The following SLC20A1 variants were observed in gnomAD, a reference collection of about 807,000 sequenced individuals.
SLC20A1 encodes the protein solute carrier family 20 member 1, also known as sodium-dependent phosphate transporter 1.
SLC20A1 carries 28 observed loss-of-function variants against 62.7 expected under a neutral mutation model. The observed-to-expected ratio is 0.45, with a 90% CI of 0.33 to 0.61. The LOEUF is 0.61. Ranked by LOEUF, SLC20A1 falls within the 20% of genes least tolerant of loss-of-function variation. The pLI is 0.02. For synonymous variants in SLC20A1, 305 were observed against 302.9 expected (o/e 1.01, Z -0.07); for missense variants, 673 against 838.6 (o/e 0.80, Z 2.44).
At chr2:112,662,106 CTAA>C (rs1411018462) in intron 10 of SLC20A1, among the ~76,000 whole-genome samples, 1 of 152,180 alleles carries the variant, frequency 6.6e-6, no homozygotes, top group East Asian at 1.9e-4. Flanking sequence ...TGATGACAAT[CTAA>C]TAATTATAGG....
In SLC20A1 at chr2:112,658,819, T is replaced by C. The variant is rs570876630; in HGVS notation, c.779-6T>C. The C allele has an allele frequency of 1.3e-6, 2 of 1,587,962 alleles. No individual in the cohort carries two copies. Among genetic ancestry groups the C allele is most frequent in the African/African-American group, 1.4e-5 (1 of 73,464 alleles). ...AACCAAAAAAGACCCCCCTTTTTTTTCCTAGGAGAAATAAAGTGTAGTCCT... is the reference window on the plus strand; with the variant it reads ...AACCAAAAAAGACCCCCCTTTTTTTCCCTAGGAGAAATAAAGTGTAGTCCT... On this transcript the variant is annotated splice_polypyrimidine_tract_variant and splice_region_variant and intron_variant, in intron 6 of 10. Coordinates refer to ENST00000272542, the MANE Select transcript of SLC20A1 (RefSeq NM_005415.5).
chr2:112,662,815 T>A, intron 10 of SLC20A1, 49 bp from the exon 11 acceptor site: 1 of 1,586,688 alleles, frequency 6.3e-7, no homozygotes, highest in Non-Finnish European at 8.6e-7. Flanking sequence ...TTTGCCAGAA[T>A]ACCACTGGCA....
intron 5 of SLC20A1, chr2:112,653,261 G>T: frequency 4.8e-6 from 1 of 208,624 alleles, no homozygotes; most frequent in South Asian, 7.5e-5. Context: ...GAGAAGAGTT[G>T]GGATGTTTAC....
chr2:112,660,054 G>GTAAGA (rs1558695583), intron 8 of SLC20A1, among the ~76,000 whole-genome samples: 1 of 152,224 alleles, frequency 6.6e-6, no homozygotes, highest in Non-Finnish European at 1.5e-5. Flanking sequence ...ATTGTGGGAT[G>GTAAGA]TAAGATGTAA....
At position 112,659,757 on chromosome 2, in the gene SLC20A1, C is replaced by T. The variant is rs569653805; in HGVS notation, c.1602C>T (p.Asp534=). 21 of 1,610,730 alleles carry T rather than the reference C, an allele frequency of 1.3e-5. No individual in the cohort carries two copies. The highest frequency in any genetic ancestry group is 7.7e-5 in the South Asian group (7 of 90,752). The change falls in exon 8 of 11, where the codon GAC becomes GAT. Residue 534 remains aspartate (D), a synonymous_variant. Coordinates refer to ENST00000272542, the MANE Select transcript of SLC20A1 (RefSeq NM_005415.5). The part of the protein sequence containing the change: ...CFGSFAHGGN[D]VSNAIGPLVA... ...GGTCATTCGCCCATGGTGGCAATGA[C>T]GTAAGGTCAGTTGACATTGATCTTA...
intron 5 of SLC20A1, among the ~76,000 whole-genome samples, chr2:112,656,773 A>T (rs1686599811): frequency 6.6e-6 from 1 of 152,244 alleles, no homozygotes; most frequent in African/African-American, 2.4e-5. Flanking sequence ...GGAGAGTGGA[A>T]CACTTGCTGT....
Position 112,651,302 on chromosome 2 carries a change from G to A in SLC20A1, c.562-1400G>A, listed in dbSNP as rs146407117. ...TTTACTTTCTGTTTTTCCTCCCCAA[G>A]ATTTTCCACTGGAATTGTGATCAAG... On this transcript the variant is annotated intron_variant, in intron 4 of 10. Coordinates refer to ENST00000272542, the MANE Select transcript of SLC20A1 (RefSeq NM_005415.5). Among the ~76,000 whole-genome samples the A allele has an allele frequency of 3.0e-3, 449 of 152,196 alleles. 2 individuals are homozygous for A. Among genetic ancestry groups the A allele is most frequent in the African/African-American group, 9.8e-3 (408 of 41,514 alleles).
intron 8 of SLC20A1, 97 bp downstream of exon 8, chr2:112,659,859 A>G: frequency 2.0e-6 from 2 of 988,728 alleles, no homozygotes; most frequent in East Asian, 4.8e-5. Flanking sequence ...CCTAGCATTT[A>G]CAGGACCCCA....
intron 4 of SLC20A1, among the ~76,000 whole-genome samples, chr2:112,651,676 G>T (rs1686441045): frequency 6.6e-6 from 1 of 152,142 alleles, no homozygotes; most frequent in African/African-American, 2.4e-5. Flanking sequence ...AAAGTGCTGG[G>T]ATTACAGGTG....
chr2:112,660,200 A>G (rs538655929), intron 8 of SLC20A1, among the ~76,000 whole-genome samples, 187 bp from the exon 9 acceptor site: 1 of 152,332 alleles, frequency 6.6e-6, no homozygotes, highest in South Asian at 2.1e-4. Flanking sequence ...TCCCTCCATC[A>G]GAGCTGTGTT....
rs777541851 is a variant in SLC20A1 at position 112,658,891 on chromosome 2, A to G, written c.845A>G (p.His282Arg). Residue 282 changes from histidine (H) to arginine (R), a missense_variant, in exon 7 of 11, where the codon CAT (histidine) becomes CGT (arginine). By Grantham distance (29) the His-to-Arg change is conservative. Coordinates refer to ENST00000272542, the MANE Select transcript of SLC20A1 (RefSeq NM_005415.5). ...AAAAAGAATAGCTTGAAAGAAGACC[A>G]TGAAGAAACAAAGTTGTCTGTTGGT... ...MEKKNSLKED[H>R]EETKLSVGDI... is the part of the protein sequence containing the mutation. 4 of 1,614,176 alleles carry G rather than the reference A, an allele frequency of 2.5e-6. No homozygotes were observed. The highest frequency in any genetic ancestry group is 1.1e-5 in the South Asian group (1 of 91,076).
Position 112,647,758 on chromosome 2 carries a change from T to G in SLC20A1, c.561+20T>G. The G allele has an allele frequency of 6.3e-7, 1 of 1,579,936 alleles. No individual in the cohort carries two copies. The highest frequency in any genetic ancestry group is 8.7e-7 in the Non-Finnish European group (1 of 1,148,894). ...CATAAGGTAACCTTTCTCCCCCGTA[T>G]GAAGACCTTTCATGGAGCACACCCA... On this transcript the variant is annotated intron_variant, in intron 4 of 10. Transcript: ENST00000272542.
rs1574178673 is a variant in SLC20A1 at position 112,647,884 on chromosome 2, A to G, written c.561+146A>G. The stretch of plus-strand genomic sequence containing the variant: ...GCTCTTTGTTCTGTGCATTTCTTGT[A>G]TGTTGTGGAGTTCTCTGAAAGCGAG... On this transcript the variant is annotated intron_variant, in intron 4 of 10. Transcript: ENST00000272542. 1.3e-5 allele frequency: 9 copies of G among 696,712 alleles called. No individual in the cohort carries two copies. The East Asian group carries it at 2.3e-4, about 17-fold the overall frequency. 43.2% of individuals were successfully genotyped at this position (696,712 alleles called of 1,614,324 possible).
chr2:112,661,149 A>G lies in SLC20A1; in HGVS notation c.1801A>G (p.Ser601Gly), dbSNP rs1477896604. 1.2e-6 allele frequency: 2 copies of G among 1,613,736 alleles called. No homozygotes were observed. Among genetic ancestry groups the G allele is most frequent in the Admixed American group, 1.7e-5 (1 of 60,020 alleles). ...ATCCTTTTGTGTCTGTAGTGGCTTC[A>G]GTATTGAACTGGCATCTGCCCTCAC... Reference protein sequence around the residue: ...LTPITPSSGFSIELASALTVV... With the variant: ...LTPITPSSGFGIELASALTVV... Residue 601 changes from serine to glycine, a missense_variant, in exon 10 of 11, where the codon AGT becomes GGT. Physicochemically the swap from Ser to Gly is moderately conservative, Grantham distance 56. Coordinates refer to ENST00000272542, the MANE Select transcript of SLC20A1 (RefSeq NM_005415.5).
At chr2:112,655,433 G>A (rs929492844) in intron 5 of SLC20A1, among the ~76,000 whole-genome samples, 6 of 151,182 alleles carry the variant, frequency 4.0e-5, no homozygotes, top group African/African-American at 1.2e-4. Context: ...CTGTGATTTC[G>A]TACATAACAA....
intron 5 of SLC20A1, 48 bp from the exon 6 acceptor site, chr2:112,657,074 G>GGGGGCT (rs1204400205): frequency 6.2e-7 from 1 of 1,612,430 alleles, no homozygotes; most frequent in Non-Finnish European, 8.5e-7. Context: ...CAATATTGCA[G>GGGGGCT]GGGGCTGTTG....
At chr2:112,648,132 C>T (rs1243440196) in intron 4 of SLC20A1, among the ~76,000 whole-genome samples, 2 of 152,074 alleles carry the variant, frequency 1.3e-5, no homozygotes, top group Admixed American at 6.5e-5. Flanking sequence ...ACTAAGCTGC[C>T]AGTTAAATGG....
intron 5 of SLC20A1, 114 bp from the exon 6 acceptor site, chr2:112,657,008 G>C (rs1686607298): frequency 8.1e-7 from 1 of 1,227,180 alleles, no homozygotes; most frequent in Non-Finnish European, 1.2e-6. Context: ...GGCAGCAGCT[G>C]TCAGGGGTGA....
In SLC20A1 at chr2:112,660,557, C is replaced by T. The variant is rs1050491233; in HGVS notation, c.1778C>T (p.Pro593Leu). 3 of 1,613,584 alleles carry T rather than the reference C, an allele frequency of 1.9e-6. No individual in the cohort carries two copies. The highest frequency in any genetic ancestry group is 1.1e-5 in the South Asian group (1 of 90,942). Residue 593 changes from proline to leucine, a missense_variant, in exon 9 of 11, where the codon CCG (proline) becomes CTG (leucine). Coordinates refer to ENST00000272542, the MANE Select transcript of SLC20A1 (RefSeq NM_005415.5). ...VIQTMGKDLTPITPSSGFSIE... is the reference protein window; with the variant it reads ...VIQTMGKDLTLITPSSGFSIE... The stretch of plus-strand genomic sequence containing the variant: ...CAGACCATGGGGAAGGATCTGACAC[C>T]GATCACACCCTCTAGGTAAGTAGGT...
Sources: gnomAD v4.1 joint callset for allele counts (sites outside exome capture counted in the v4.1 genomes callset) on GRCh38, gnomAD v4.1.1 for gene constraint, MANE v1.5 for transcripts, NCBI Gene and HGNC (gene_info 2026-07-23, HGNC 2026-07-21) for gene names.